ANK3: variants seen among roughly 807,000 people sequenced by gnomAD.
ANK3 encodes ankyrin-3.
Under a neutral mutation model 370.9 loss-of-function variants are expected in ANK3, and 57 were observed. That is an observed-to-expected ratio of 0.15 (90% CI 0.12 to 0.19). The LOEUF is 0.19. Ranked by LOEUF, ANK3 falls within the 10% of genes least tolerant of loss-of-function variation. The pLI is 1.00. For synonymous variants in ANK3, 1,929 were observed against 1,946.3 expected (o/e 0.99, Z 0.23); for missense variants, 4,439 against 5,302.1 (o/e 0.84, Z 5.06).
chr10:60,168,171 G>C (rs193192774), intron 21 of ANK3, among the ~76,000 whole-genome samples: 16 of 152,140 alleles, frequency 1.1e-4, no homozygotes, highest in Non-Finnish European at 4.4e-5. Flanking sequence ...GATTACAGAC[G>C]TGCATGGCCA....
chr10:60,032,076 C>T (rs2073722207), intron 43 of ANK3, among the ~76,000 whole-genome samples: 1 of 151,800 alleles, frequency 6.6e-6, no homozygotes, highest in African/African-American at 2.4e-5. Context: ...CTTAGATGGT[C>T]CTATGATAAT....
In ANK3 at chr10:60,072,990, G is replaced by T. The variant is rs2083044274; in HGVS notation, c.7891C>A (p.Pro2631Thr). Reference sequence around the variant, plus strand: ...AGTTCTGTCAGTAGCACTTTCTCAGGGCTGCTACTGGTAGGGCTTTGAGAA... The same window carrying T: ...AGTTCTGTCAGTAGCACTTTCTCAGTGCTGCTACTGGTAGGGCTTTGAGAA... ...YSSQSPTSSS[P>T]EKVLLTELLA... Residue 2631 changes from proline (P) to threonine (T), a missense_variant, in exon 37 of 44, where the codon CCT becomes ACT. Physicochemically the swap from Pro to Thr is conservative, Grantham distance 38. Transcript: ENST00000280772. The T allele has an allele frequency of 6.2e-7, 1 of 1,613,916 alleles. No homozygotes were observed. Among genetic ancestry groups the T allele is most frequent in the Admixed American group, 1.7e-5 (1 of 59,976 alleles).
chr10:60,547,370 C>T (rs535064616), intron 2 of ANK3, among the ~76,000 whole-genome samples: 3 of 151,988 alleles, frequency 2.0e-5, no homozygotes, highest in Admixed American at 6.6e-5. Flanking sequence ...GGATTACAGG[C>T]GTGAGCCATC....
intron 1 of ANK3, among the ~76,000 whole-genome samples, chr10:60,349,233 C>A (rs2056375168): frequency 6.6e-6 from 1 of 152,168 alleles, no homozygotes; most frequent in African/African-American, 2.4e-5. Context: ...AACTTGTGAT[C>A]CCATGAATTC....
intron 2 of ANK3, among the ~76,000 whole-genome samples, chr10:60,600,306 G>T (rs2078043226): frequency 6.6e-6 from 1 of 152,072 alleles, no homozygotes; most frequent in East Asian, 1.9e-4. Flanking sequence ...CCTGGAATTT[G>T]CCAAGACTAC....
chr10:60,062,689 A>C (rs1450522308), intron 40 of ANK3: 1 of 153,030 alleles, frequency 6.5e-6, no homozygotes, highest in East Asian at 1.9e-4. Context: ...TTTGTATACT[A>C]TATGCTTACA....
chr10:60,341,611 T>C (rs1247814095), intron 1 of ANK3, among the ~76,000 whole-genome samples: 1 of 152,182 alleles, frequency 6.6e-6, no homozygotes, highest in East Asian at 1.9e-4. Flanking sequence ...TATCCACTTA[T>C]GTGCCTGTCC....
At position 60,134,377 on chromosome 10, in the gene ANK3, T is replaced by C. The variant is rs766077354; in HGVS notation, c.2739-4A>G. On this transcript the variant is annotated splice_region_variant and splice_polypyrimidine_tract_variant and intron_variant, in intron 24 of 43. Transcript: ENST00000280772. ...ATCCGAACTGAAGGAGCGGAGGCTG[T>C]TGTATTTACAGTTAACCATTCAACA... 1 of 1,610,776 alleles carries C rather than the reference T, an allele frequency of 6.2e-7. No individual in the cohort carries two copies. Among genetic ancestry groups the C allele is most frequent in the Non-Finnish European group, 8.5e-7 (1 of 1,178,516 alleles).
In ANK3 at chr10:60,624,632, C is replaced by A. The variant is rs986968941; in HGVS notation, c.58-9408G>T. On this transcript the variant is annotated intron_variant, in intron 1 of 43. Transcript: ENST00000373827. ...GAACTCAAAAACTTACAGTTGGTGTCAGAAATGAACATGGTCTTGGGATCT... is the reference window on the plus strand; with the variant it reads ...GAACTCAAAAACTTACAGTTGGTGTAAGAAATGAACATGGTCTTGGGATCT... Among the ~76,000 whole-genome samples the A allele has an allele frequency of 3.3e-5, 5 of 151,146 alleles. No individual in the cohort carries two copies. The South Asian group carries it at 1.1e-3, about 32-fold the overall frequency.
At chr10:60,456,445 GT>G (rs1003978240) in intron 2 of ANK3, among the ~76,000 whole-genome samples, 32 of 152,246 alleles carry the variant, frequency 2.1e-4, no homozygotes, top group African/African-American at 7.7e-4. Context: ...CCAATCAATG[GT>G]TTTTCAAACT....
intron 1 of ANK3, among the ~76,000 whole-genome samples, chr10:60,329,208 G>A (rs770129434): frequency 1.6e-4 from 25 of 152,000 alleles, no homozygotes; most frequent in African/African-American, 4.3e-4. Context: ...GAAGTATTCC[G>A]CTTGAAAACC....
intron 21 of ANK3, 55 bp downstream of exon 21, chr10:60,172,253 A>G (rs1011197186): frequency 7.0e-7 from 1 of 1,427,780 alleles, no homozygotes; most frequent in Admixed American, 1.8e-5. Context: ...AAAACCCAAG[A>G]AAACTGGCTG....
chr10:60,180,282 T>C (rs886875174), intron 18 of ANK3, among the ~76,000 whole-genome samples: 1 of 150,492 alleles, frequency 6.6e-6, no homozygotes, highest in Non-Finnish European at 1.5e-5. Context: ...TTCTTTTTCA[T>C]GTCAAACATG....
At chr10:60,385,732 C>T (rs907739748) in intron 1 of ANK3, among the ~76,000 whole-genome samples, 1 of 152,072 alleles carries the variant, frequency 6.6e-6, no homozygotes, top group Non-Finnish European at 1.5e-5. Flanking sequence ...AGAGATCTAC[C>T]TACCTACTTA....
chr10:60,158,685 C>CT (rs141741941), intron 23 of ANK3, among the ~76,000 whole-genome samples: 8 of 132,710 alleles, frequency 6.0e-5, no homozygotes, highest in Non-Finnish European at 1.2e-4. Context: ...CACTTTTTTT[C>CT]TTTTTTTTGA....
chr10:60,327,484 A>T (rs978599860), intron 1 of ANK3, among the ~76,000 whole-genome samples: 1 of 152,188 alleles, frequency 6.6e-6, no homozygotes, highest in African/African-American at 2.4e-5. Flanking sequence ...ACATTCTACT[A>T]ATCTTTTCCT....
chr10:60,469,754 C>A (rs2065169266), intron 2 of ANK3, among the ~76,000 whole-genome samples: 2 of 146,716 alleles, frequency 1.4e-5, no homozygotes, highest in Admixed American at 7.0e-5. Flanking sequence ...TATAATATTT[C>A]TCTTCCAATT....
chr10:60,582,983 C>T (rs2077776025), intron 2 of ANK3, among the ~76,000 whole-genome samples: 1 of 152,100 alleles, frequency 6.6e-6, no homozygotes. Context: ...ATAGGACTAC[C>T]ATATGATCCA....
intron 1 of ANK3, among the ~76,000 whole-genome samples, chr10:60,352,093 C>T (rs1361680049): frequency 2.6e-5 from 4 of 152,104 alleles, no homozygotes; most frequent in African/African-American, 7.2e-5. Flanking sequence ...GTTGGGAGTT[C>T]GAGACCAGTC....
Sources: allele counts gnomAD v4.1 joint callset (sites outside exome capture counted in the v4.1 genomes callset), GRCh38; gene constraint gnomAD v4.1.1; transcripts MANE v1.5; gene names NCBI Gene and HGNC (gene_info 2026-07-23, HGNC 2026-07-21).